LRRTM3: variants seen among roughly 807,000 people sequenced by gnomAD.
The protein encoded by LRRTM3 is leucine rich repeat transmembrane neuronal 3.
A neutral mutation model predicts 44.7 loss-of-function variants in LRRTM3; 24 were observed. That is an observed-to-expected ratio of 0.54 (90% confidence interval 0.39 to 0.76). The LOEUF is 0.76. Ranked by LOEUF, LRRTM3 falls within the 30% of genes least tolerant of loss-of-function variation. The pLI, the probability that LRRTM3 is intolerant of heterozygous loss-of-function variation, is 0.00. For synonymous variants in LRRTM3, 277 were observed against 278.7 expected (o/e 0.99, Z 0.06); for missense variants, 587 against 702.2 (o/e 0.84, Z 1.85).
Position 66,928,206 on chromosome 10 carries a change from C to G in LRRTM3, c.1290C>G (p.Ser430=). The G allele has an allele frequency of 6.2e-7, 1 of 1,614,092 alleles. No homozygotes were observed. Among genetic ancestry groups the G allele is most frequent in the South Asian group, 1.1e-5 (1 of 91,078 alleles). ...CGGGCAGCGTGGCGCTTTTCCTGTCCGTGCTCGTCATCCTGCTGGTTATCT... is the reference window on the plus strand; with the variant it reads ...CGGGCAGCGTGGCGCTTTTCCTGTCGGTGCTCGTCATCCTGCTGGTTATCT... ...IIAGSVALFL[S]VLVILLVIYV... is the part of the protein sequence containing the mutation. The change falls in exon 2 of 3, where the codon TCC becomes TCG. Residue 430 remains serine (S), a synonymous_variant. Transcript: ENST00000361320.
At chr10:66,986,995 C>A (rs530908370) in intron 2 of LRRTM3, among the ~76,000 whole-genome samples, 174 of 152,092 alleles carry the variant, frequency 1.1e-3, no homozygotes, top group Non-Finnish European at 2.0e-3. Context: ...GATACATGAG[C>A]CAAGATCTGA....
chr10:67,035,910 G>A (rs1447160021), intron 2 of LRRTM3, among the ~76,000 whole-genome samples: 1 of 152,106 alleles, frequency 6.6e-6, no homozygotes, highest in Non-Finnish European at 1.5e-5. Flanking sequence ...TTCAAGTTAT[G>A]CTTTCACTTT....
chr10:67,025,153 A>G (rs187410795), intron 2 of LRRTM3, among the ~76,000 whole-genome samples: 169 of 149,348 alleles, frequency 1.1e-3, no homozygotes, highest in African/African-American at 4.1e-3. Context: ...AAAAAGAAAG[A>G]AAGGAAGGAA....
chr10:67,057,546 T>TGTGTC (rs1855513445), intron 2 of LRRTM3, among the ~76,000 whole-genome samples: 2 of 152,292 alleles, frequency 1.3e-5, no homozygotes, highest in Admixed American at 1.3e-4. Context: ...CTTATTTCAC[T>TGTGTC]TAGTATAATG....
intron 2 of LRRTM3, among the ~76,000 whole-genome samples, chr10:67,016,262 C>T (rs73326954): frequency 0.016 from 2,465 of 152,264 alleles, 86 homozygotes; most frequent in African/African-American, 0.055. Flanking sequence ...AAGGGGATAG[C>T]TGGAAATGTA....
chr10:66,949,294 T>C (rs1353962330), intron 2 of LRRTM3, among the ~76,000 whole-genome samples: 2 of 152,192 alleles, frequency 1.3e-5, no homozygotes, highest in African/African-American at 4.8e-5. Flanking sequence ...TGTGGGCTCA[T>C]GCCTGTAATC....
intron 2 of LRRTM3, among the ~76,000 whole-genome samples, chr10:67,069,965 T>C (rs1856346498): frequency 6.6e-6 from 1 of 152,190 alleles, no homozygotes. Context: ...ATATGCATTG[T>C]AGATGCCCTC....
At chr10:66,997,986 T>C (rs1173632832) in intron 2 of LRRTM3, among the ~76,000 whole-genome samples, 1 of 152,220 alleles carries the variant, frequency 6.6e-6, no homozygotes, top group Non-Finnish European at 1.5e-5. Flanking sequence ...ACTTGGATTA[T>C]TGCAGTGATT....
intron 2 of LRRTM3, among the ~76,000 whole-genome samples, chr10:66,967,591 A>G (rs1180002536): frequency 6.6e-6 from 1 of 152,020 alleles, no homozygotes; most frequent in Non-Finnish European, 1.5e-5. Flanking sequence ...CAACCATATG[A>G]GGCGGGACTA....
At chr10:67,067,191 G>C (rs994259937) in intron 2 of LRRTM3, among the ~76,000 whole-genome samples, 1 of 152,092 alleles carries the variant, frequency 6.6e-6, no homozygotes, top group Admixed American at 6.6e-5. Context: ...AAACTATATG[G>C]AGAAATATAC....
At chr10:67,066,770 G>A (rs1036810894) in intron 2 of LRRTM3, among the ~76,000 whole-genome samples, 9 of 152,026 alleles carry the variant, frequency 5.9e-5, no homozygotes, top group East Asian at 3.9e-4. Flanking sequence ...TAAAATATTC[G>A]ATATTATATT....
chr10:67,058,429 C>A (rs986883548), intron 2 of LRRTM3, among the ~76,000 whole-genome samples: 1 of 152,146 alleles, frequency 6.6e-6, no homozygotes, highest in Admixed American at 6.5e-5. Context: ...GGCTGTAAAT[C>A]ACTACTTTAA....
At chr10:67,097,260 A>G (rs1005470483) in intron 2 of LRRTM3, among the ~76,000 whole-genome samples, 4 of 151,962 alleles carry the variant, frequency 2.6e-5, no homozygotes, top group African/African-American at 9.7e-5. Context: ...TATCAGTTCT[A>G]AAAACACAAT....
At chr10:66,933,432 C>T (rs879787807) in intron 2 of LRRTM3, among the ~76,000 whole-genome samples, 4 of 152,176 alleles carry the variant, frequency 2.6e-5, no homozygotes, top group African/African-American at 4.8e-5. Context: ...TCAATCAGGA[C>T]GTTTACCTGT....
intron 2 of LRRTM3, among the ~76,000 whole-genome samples, chr10:67,078,212 T>C (rs1248655639): frequency 6.6e-6 from 1 of 152,166 alleles, no homozygotes; most frequent in Non-Finnish European, 1.5e-5. Context: ...GTAAACATCC[T>C]CAAATGGGCA....
Position 66,941,588 on chromosome 10 carries a change from G to C in LRRTM3, c.1536+13136G>C, listed in dbSNP as rs943463872. ...ATAAGTGATCTGAAAAAAAATCAAA[G>C]GCCATAAAAGCTATTTGTCAAATAA... On this transcript the variant is annotated intron_variant, in intron 2 of 2. Coordinates refer to ENST00000361320, the MANE Select transcript of LRRTM3 (RefSeq NM_178011.5). Among the ~76,000 whole-genome samples, 87 of 152,186 alleles carry C rather than the reference G, an allele frequency of 5.7e-4. 1 individual carries two copies. The highest frequency in any genetic ancestry group is 2.0e-3 in the African/African-American group (81 of 41,516).
rs1396949724 is a variant in LRRTM3, at chr10:67,098,513, C to T, written c.*717C>T. The T allele has an allele frequency of 6.6e-6, 1 of 152,050 alleles. No homozygotes were observed. 9.4% of individuals were successfully genotyped at this position (152,050 alleles called of 1,614,324 possible). A position where few individuals can be genotyped will look rare whatever the true frequency, so the allele number is the denominator to read the frequency against. Reference sequence around the variant, plus strand: ...AACAGTTCTCAGACTTAACTGTTGCCTTGAATTACAGCCTAGTTTCTAAGC... The same window carrying T: ...AACAGTTCTCAGACTTAACTGTTGCTTTGAATTACAGCCTAGTTTCTAAGC... On this transcript the variant is annotated 3_prime_UTR_variant, in exon 3 of 3. Coordinates refer to ENST00000361320, the MANE Select transcript of LRRTM3 (RefSeq NM_178011.5).
chr10:67,073,998 G>C (rs979492345), intron 2 of LRRTM3, among the ~76,000 whole-genome samples: 2 of 148,286 alleles, frequency 1.3e-5, no homozygotes, highest in African/African-American at 5.0e-5. Context: ...CAGATCTACT[G>C]AATTATCAAA....
chr10:66,934,879 G>C (rs1485085451), intron 2 of LRRTM3, among the ~76,000 whole-genome samples: 2 of 152,098 alleles, frequency 1.3e-5, no homozygotes, highest in Admixed American at 1.3e-4. Flanking sequence ...TTGTCAGTAA[G>C]GAGGCAATGA....
Sources: gnomAD v4.1 joint callset for allele counts (sites outside exome capture counted in the v4.1 genomes callset) on GRCh38, gnomAD v4.1.1 for gene constraint, MANE v1.5 for transcripts, NCBI Gene and HGNC (gene_info 2026-07-23, HGNC 2026-07-21) for gene names.